BAZ1B: variants seen among roughly 807,000 people sequenced by gnomAD.
BAZ1B encodes the protein tyrosine-protein kinase BAZ1B.
A neutral mutation model predicts 153.8 loss-of-function variants in BAZ1B; 22 were observed. That is an observed-to-expected ratio of 0.14 (90% CI 0.10 to 0.20). The LOEUF (loss-of-function observed/expected upper bound fraction) is 0.20, where lower values mean the gene tolerates loss of function less well. Ranked by LOEUF, BAZ1B falls within the 10% of genes least tolerant of loss-of-function variation. The pLI, the probability that BAZ1B is intolerant of heterozygous loss-of-function variation, is 1.00. For missense variants in BAZ1B, 1,325 were observed against 1,799.3 expected (o/e 0.74, Z 4.77); for synonymous variants, 676 against 633.4 (o/e 1.07, Z -1.01).
chr7:73,441,887 A>C, intron 19 of BAZ1B, 194 bp from the exon 20 acceptor site: 1 of 404,902 alleles, frequency 2.5e-6, no homozygotes, highest in Admixed American at 4.1e-5. Flanking sequence ...CAGAGCGAGC[A>C]GGCCCTTAGG....
intron 15 of BAZ1B, 140 bp downstream of exon 15, chr7:73,449,402 G>C: frequency 3.0e-6 from 3 of 1,001,214 alleles, no homozygotes. Flanking sequence ...TCCTATTGAA[G>C]TACTGTAAAT....
At chr7:73,473,128 G>A (rs1301516990) in intron 7 of BAZ1B, among the ~76,000 whole-genome samples, 3 of 152,080 alleles carry the variant, frequency 2.0e-5, no homozygotes, top group African/African-American at 7.2e-5. Context: ...TTTTAGTAGA[G>A]ACAGGGTTTC....
chr7:73,455,126 C>T (rs1188220523), intron 13 of BAZ1B, among the ~76,000 whole-genome samples: 2 of 151,920 alleles, frequency 1.3e-5, no homozygotes, highest in Non-Finnish European at 2.9e-5. Flanking sequence ...ACCTCAAGAT[C>T]CGCTAGCCTC....
At position 73,521,829 on chromosome 7, in the gene BAZ1B, C is replaced by T. The variant is rs1554580276; in HGVS notation, c.105G>A (p.Arg35=). 10 of 1,497,526 alleles carry T rather than the reference C, an allele frequency of 6.7e-6. No homozygotes were observed. In the South Asian group the frequency reaches 1.1e-4, roughly 17 times the overall value. 92.8% of individuals were successfully genotyped at this position (1,497,526 alleles called of 1,614,324 possible). Reference sequence around the variant, plus strand: ...CCCGCGCGGCTGGAAAAGGATACTCCCGGGTGCGGAAGGCCTCCTGAGTGT... The same window carrying T: ...CCCGCGCGGCTGGAAAAGGATACTCTCGGGTGCGGAAGGCCTCCTGAGTGT... ...IPHTQEAFRT[R]EEYEARLERY... is the part of the protein sequence containing the mutation. The change falls in exon 1 of 20, where the codon CGG becomes CGA. Residue 35 remains arginine, a splice_region_variant and synonymous_variant. Transcript: ENST00000339594.
At chr7:73,489,032 C>T (rs1554574955) in intron 6 of BAZ1B, among the ~76,000 whole-genome samples, 162 bp downstream of exon 6, 2 of 152,134 alleles carry the variant, frequency 1.3e-5, no homozygotes, top group Non-Finnish European at 2.9e-5. Context: ...TCTCCCCTAC[C>T]AACCTCACAT....
intron 9 of BAZ1B, 74 bp from the exon 10 acceptor site, chr7:73,466,475 G>C (rs555524488): frequency 1.0e-6 from 1 of 959,808 alleles, no homozygotes; most frequent in African/African-American, 1.6e-5. Context: ...GCAGTACACA[G>C]TGCCAAACTC....
At position 73,521,954 on chromosome 7, in the gene BAZ1B, C is replaced by T. The variant is rs782672175; in HGVS notation, c.-21G>A. 105 of 1,417,866 alleles carry T rather than the reference C, an allele frequency of 7.4e-5. No homozygotes were observed. The highest frequency in any genetic ancestry group is 9.0e-5 in the Non-Finnish European group (97 of 1,077,176). 87.8% of individuals were successfully genotyped at this position (1,417,866 alleles called of 1,614,324 possible). A position where few individuals can be genotyped will look rare whatever the true frequency, so the allele number is the denominator to read the frequency against. ...GCCATCGCGGCGGCGGCGGTGGGGA[C>T]TGGCGGCTGCTGGGGCCGGCCCCGC... is the stretch of plus-strand genomic sequence containing the variant. On this transcript the variant is annotated 5_prime_UTR_variant, in exon 1 of 20. Coordinates refer to ENST00000339594, the MANE Select transcript of BAZ1B (RefSeq NM_032408.4).
chr7:73,500,193 A>G (rs374533957), intron 3 of BAZ1B, among the ~76,000 whole-genome samples: 1 of 152,286 alleles, frequency 6.6e-6, no homozygotes, highest in South Asian at 2.1e-4. Flanking sequence ...TTGCTTTTCT[A>G]TTCAGCCTCA....
chr7:73,486,132 C>T (rs1023886549), intron 6 of BAZ1B, among the ~76,000 whole-genome samples: 24 of 152,082 alleles, frequency 1.6e-4, no homozygotes, highest in African/African-American at 5.6e-4. Flanking sequence ...CTATGCTAAA[C>T]GTTACAAGAT....
At chr7:73,509,843 C>A (rs373974265) in intron 2 of BAZ1B, among the ~76,000 whole-genome samples, 3 of 151,900 alleles carry the variant, frequency 2.0e-5, no homozygotes, top group South Asian at 4.1e-4. Context: ...ATTATCATAC[C>A]CGGTTGGGTG....
chr7:73,470,278 A>G, intron 8 of BAZ1B, 67 bp downstream of exon 8: 1 of 1,478,696 alleles, frequency 6.8e-7, no homozygotes, highest in Non-Finnish European at 9.1e-7. Context: ...GTACTTTAGA[A>G]AATTTTCCTA....
intron 7 of BAZ1B, among the ~76,000 whole-genome samples, chr7:73,473,377 T>A (rs879990733): frequency 1.3e-5 from 2 of 152,084 alleles, no homozygotes; most frequent in Admixed American, 1.3e-4. Context: ...ACATGGTGAA[T>A]CCCCATCTCT....
intron 1 of BAZ1B, among the ~76,000 whole-genome samples, chr7:73,515,149 C>G (rs1294658149): frequency 6.6e-6 from 1 of 152,164 alleles, no homozygotes; most frequent in African/African-American, 2.4e-5. Context: ...ATATACAGTC[C>G]TCTATTATTC....
At chr7:73,444,213 G>T (rs1554565793) in intron 16 of BAZ1B, 84 bp from the exon 17 acceptor site, 7 of 1,418,864 alleles carry the variant, frequency 4.9e-6, no homozygotes, top group Non-Finnish European at 5.6e-6. Flanking sequence ...GGGATGCAGG[G>T]AGAATCCTTT....
rs1413263404 is a variant in BAZ1B at position 73,492,827 on chromosome 7, A to G, written c.666T>C (p.Tyr222=). The G allele has an allele frequency of 5.0e-6, 8 of 1,609,460 alleles. No homozygotes were observed. The highest frequency in any genetic ancestry group is 1.3e-5 in the African/African-American group (1 of 74,762). The part of the protein sequence containing the change: ...WAPPKFLPHK[Y]DVKLQNEDKI... ...TATCTTCATTTTGTAGTTTCACATC[A>G]TATTTGTGAGGCAGAAATTTTGGAG... Residue 222 remains tyrosine, a synonymous_variant, in exon 5 of 20, where the codon TAT becomes TAC. Coordinates refer to ENST00000339594, the MANE Select transcript of BAZ1B (RefSeq NM_032408.4).
At chr7:73,500,015 T>C (rs1310845849) in intron 3 of BAZ1B, among the ~76,000 whole-genome samples, 7 of 152,166 alleles carry the variant, frequency 4.6e-5, no homozygotes, top group African/African-American at 9.7e-5. Flanking sequence ...ATTTTTGTTA[T>C]GTTGCCGAGT....
intron 11 of BAZ1B, 143 bp downstream of exon 11, chr7:73,465,296 C>A: frequency 2.0e-6 from 1 of 512,278 alleles, no homozygotes; most frequent in Non-Finnish European, 3.3e-6. Flanking sequence ...CAAGAAAATA[C>A]CAGGCAATAT....
chr7:73,447,562 G>A (rs1787884269), intron 15 of BAZ1B, among the ~76,000 whole-genome samples, 183 bp from the exon 16 acceptor site: 1 of 152,140 alleles, frequency 6.6e-6, no homozygotes, highest in South Asian at 2.1e-4. Context: ...GAAAAACCAA[G>A]TTTCAACAGC....
At chr7:73,496,808 G>A (rs1328665446) in intron 4 of BAZ1B, among the ~76,000 whole-genome samples, 1 of 151,952 alleles carries the variant, frequency 6.6e-6, no homozygotes, top group Non-Finnish European at 1.5e-5. Flanking sequence ...ATGGGGGTTA[G>A]GGCTCTGACC....
Sources: allele counts gnomAD v4.1 joint callset (sites outside exome capture counted in the v4.1 genomes callset), GRCh38; gene constraint gnomAD v4.1.1; transcripts MANE v1.5; gene names NCBI Gene and HGNC (gene_info 2026-07-23, HGNC 2026-07-21).